Variants in SFSWAP observed in about 807,000 individuals in gnomAD.
The protein encoded by SFSWAP is splicing factor SWAP, also known as splicing factor, suppressor of white-apricot homolog.
In SFSWAP, 17 loss-of-function variants were observed where a neutral mutation model predicts 100.7. The observed-to-expected ratio is 0.17, with a 90% CI of 0.12 to 0.25. The LOEUF is 0.25. SFSWAP is among the 10% of genes least tolerant of loss of function. The pLI, the probability that SFSWAP is intolerant of heterozygous loss-of-function variation, is 1.00. For missense variants in SFSWAP, 1,005 were observed against 1,262.6 expected, an observed-to-expected ratio of 0.80 and a Z score of 3.09; for synonymous variants, 504 against 510.1, an observed-to-expected ratio of 0.99 and a Z score of 0.16.
At chr12:131,773,104 C>G (rs1177154275) in intron 13 of SFSWAP, among the ~76,000 whole-genome samples, 3 of 152,156 alleles carry the variant, frequency 2.0e-5, no homozygotes, top group Admixed American at 2.0e-4. Context: ...AGGCAACATT[C>G]AGGTGGGAAA....
chr12:131,782,852 T>A (rs901324282), intron 14 of SFSWAP, among the ~76,000 whole-genome samples: 1 of 152,180 alleles, frequency 6.6e-6, no homozygotes, highest in Non-Finnish European at 1.5e-5. Flanking sequence ...TCAAAAAGTA[T>A]ACTAGTTACG....
chr12:131,749,692 GGCCGTGCCACCAGCT>G (rs1046045825), intron 7 of SFSWAP, among the ~76,000 whole-genome samples: 3 of 152,224 alleles, frequency 2.0e-5, no homozygotes, highest in Non-Finnish European at 2.9e-5. Context: ...AAGCAGTCCA[GGCCGTGCCACCAGCT>G]GGCATGAACT....
Position 131,775,593 on chromosome 12 carries a change from G to A in SFSWAP, c.2143-2472G>A, listed in dbSNP as rs574722999. On this transcript the variant is annotated intron_variant, in intron 13 of 17. Transcript: ENST00000261674. ...GCAGAATGGAAGCCCTCTCCCTTTC[G>A]GTGTGTATGGGAGAGGCCATAGCTA... 4.7e-4 allele frequency among the ~76,000 whole-genome samples: 71 copies of A among 152,244 alleles called. No individual in the cohort carries two copies. The South Asian group carries it at 0.014, about 29-fold the overall frequency.
chr12:131,799,124 C>T lies in SFSWAP; in HGVS notation c.2790+15C>T, dbSNP rs1369597637. On this transcript the variant is annotated intron_variant, in intron 17 of 17. Coordinates refer to ENST00000261674, the MANE Select transcript of SFSWAP (RefSeq NM_004592.4). ...AAATCACTCAGGTCAGTGGGCACGC[C>T]CCCCTCCCGCTCCCAGCCTTTCATC... 6.2e-7 allele frequency: 1 copy of T among 1,601,708 alleles called. No homozygotes were observed.
At chr12:131,718,669 T>G (rs1448996316) in intron 3 of SFSWAP, among the ~76,000 whole-genome samples, 1 of 152,170 alleles carries the variant, frequency 6.6e-6, no homozygotes, top group Admixed American at 6.5e-5. Context: ...TGAAAATCAG[T>G]TATCTAGGAA....
chr12:131,722,737 C>A (rs1878597280), intron 4 of SFSWAP, among the ~76,000 whole-genome samples: 1 of 151,898 alleles, frequency 6.6e-6, no homozygotes, highest in Non-Finnish European at 1.5e-5. Flanking sequence ...CGCTTGAGCC[C>A]AGGAGTTCAA....
intron 13 of SFSWAP, among the ~76,000 whole-genome samples, chr12:131,769,891 T>C (rs1411631979): frequency 6.6e-6 from 1 of 152,200 alleles, no homozygotes; most frequent in African/African-American, 2.4e-5. Flanking sequence ...TCACCTCTCC[T>C]GTTTGCAGGC....
At chr12:131,754,901 A>G (rs796467483) in intron 9 of SFSWAP, among the ~76,000 whole-genome samples, 68 of 152,190 alleles carry the variant, frequency 4.5e-4, no homozygotes, top group African/African-American at 1.6e-3. Flanking sequence ...CCAAAGTGCT[A>G]GGATTACAGA....
At chr12:131,799,012 T>G in intron 16 of SFSWAP, 25 bp from the exon 17 acceptor site, 1 of 1,563,376 alleles carries the variant, frequency 6.4e-7, no homozygotes, top group Non-Finnish European at 8.8e-7. Context: ...GGTTGTAAGC[T>G]CTGCTCTCTC....
chr12:131,790,244 A>G (rs1303448838), intron 15 of SFSWAP, among the ~76,000 whole-genome samples: 1 of 152,138 alleles, frequency 6.6e-6, no homozygotes, highest in Non-Finnish European at 1.5e-5. Flanking sequence ...GCCAGTGGCA[A>G]CCCTTCCAAG....
At chr12:131,788,964 C>T (rs976876674) in intron 15 of SFSWAP, among the ~76,000 whole-genome samples, 1 of 151,874 alleles carries the variant, frequency 6.6e-6, no homozygotes, top group Admixed American at 6.6e-5. Context: ...CCGAGATTTG[C>T]TGCTTTTTTT....
chr12:131,790,089 CTTCT>C (rs1429010335), intron 15 of SFSWAP, among the ~76,000 whole-genome samples: 1 of 152,206 alleles, frequency 6.6e-6, no homozygotes, highest in Non-Finnish European at 1.5e-5. Context: ...TCTCTTCTTC[CTTCT>C]GTGTTTATGC....
chr12:131,736,050 G>A (rs751203486), intron 7 of SFSWAP, among the ~76,000 whole-genome samples: 8 of 152,200 alleles, frequency 5.3e-5, no homozygotes, highest in South Asian at 2.1e-4. Flanking sequence ...AGCCAACACA[G>A]CAAGATGGAG....
At position 131,799,575 on chromosome 12, in the gene SFSWAP, G is replaced by A. The variant is rs578043263; in HGVS notation, c.*87G>A. On this transcript the variant is annotated 3_prime_UTR_variant, in exon 18 of 18. Coordinates refer to ENST00000261674, the MANE Select transcript of SFSWAP (RefSeq NM_004592.4). ...CGCCGGCCACACCATCCACCTGGCC[G>A]CCTCCATGGACCCTTGGTGGCTTTT... 1.3e-5 allele frequency: 14 copies of A among 1,067,498 alleles called. No homozygotes were observed. Among genetic ancestry groups the A allele is most frequent in the African/African-American group, 8.1e-5 (5 of 61,852 alleles). 66.1% of individuals were successfully genotyped at this position (1,067,498 alleles called of 1,614,324 possible). A position where few individuals can be genotyped will look rare whatever the true frequency, so the allele number is the denominator to read the frequency against.
At chr12:131,740,266 G>A (rs1394081122) in intron 7 of SFSWAP, among the ~76,000 whole-genome samples, 2 of 152,138 alleles carry the variant, frequency 1.3e-5, no homozygotes, top group Non-Finnish European at 2.9e-5. Context: ...AACATAAATA[G>A]CAATTTGCAG....
intron 13 of SFSWAP, among the ~76,000 whole-genome samples, chr12:131,772,714 TG>T (rs1883717324): frequency 6.6e-6 from 1 of 152,214 alleles, no homozygotes; most frequent in African/African-American, 2.4e-5. Context: ...TCAGAAAGCC[TG>T]TGTTACAATC....
Position 131,799,604 on chromosome 12 carries a change from A to G in SFSWAP, c.*116A>G. On this transcript the variant is annotated 3_prime_UTR_variant, in exon 18 of 18. Transcript: ENST00000261674. ...CCATGGACCCTTGGTGGCTTTTGTA[A>G]ATTAATTTTTGATGACATTTTGAGT... The G allele has an allele frequency of 1.3e-6, 1 of 750,970 alleles. No homozygotes were observed. Among genetic ancestry groups the G allele is most frequent in the South Asian group, 1.7e-5 (1 of 58,874 alleles). The allele number at this position is 750,970 out of a possible 1,614,324, so 46.5% of individuals were successfully genotyped here. A position where few individuals can be genotyped will look rare whatever the true frequency, so the allele number is the denominator to read the frequency against.
At chr12:131,779,546 C>T (rs1480061858) in intron 14 of SFSWAP, among the ~76,000 whole-genome samples, 2 of 152,178 alleles carry the variant, frequency 1.3e-5, no homozygotes, top group African/African-American at 4.8e-5. Flanking sequence ...TTTTCAGAAC[C>T]CCGTTACACC....
chr12:131,770,175 A>T (rs1475849135), intron 13 of SFSWAP, among the ~76,000 whole-genome samples: 3 of 152,242 alleles, frequency 2.0e-5, no homozygotes, highest in African/African-American at 7.2e-5. Context: ...TGACTTTACT[A>T]AGTATTCTAG....
Sources: gnomAD v4.1 joint callset for allele counts (sites outside exome capture counted in the v4.1 genomes callset) on GRCh38, gnomAD v4.1.1 for gene constraint, MANE v1.5 for transcripts, NCBI Gene and HGNC (gene_info 2026-07-23, HGNC 2026-07-21) for gene names.